ATP8A2: variants seen among roughly 807,000 people sequenced by gnomAD.
ATP8A2 encodes the protein ATPase phospholipid transporting 8A2.
In ATP8A2, 100 loss-of-function variants were observed where a neutral mutation model predicts 165.6. The observed-to-expected ratio is 0.60, with a 90% CI of 0.51 to 0.71. The LOEUF is 0.71. ATP8A2 is among the 30% of genes least tolerant of loss of function. ATP8A2 has a pLI of 0.00. For synonymous variants in ATP8A2, 543 were observed against 548.8 expected, an observed-to-expected ratio of 0.99 and a Z score of 0.15; for missense variants, 1,227 against 1,479.5, an observed-to-expected ratio of 0.83 and a Z score of 2.80.
rs543608232 is a variant in ATP8A2 at position 25,473,587 on chromosome 13, A to T, written c.221+4466A>T. Reference sequence around the variant, plus strand: ...TATACAATTCAGTGATTTTTAATATATTCATTGTGCAACTATCATCACAGT... The same window carrying T: ...TATACAATTCAGTGATTTTTAATATTTTCATTGTGCAACTATCATCACAGT... On this transcript the variant is annotated intron_variant, in intron 2 of 36. Coordinates refer to ENST00000381655, the MANE Select transcript of ATP8A2 (RefSeq NM_016529.6). 1.3e-5 allele frequency among the ~76,000 whole-genome samples: 2 copies of T among 152,178 alleles called. 1 individual carries two copies. Among genetic ancestry groups the T allele is most frequent in the South Asian group, 4.1e-4 (2 of 4,830 alleles).
chr13:25,668,696 T>C (rs566841526), intron 24 of ATP8A2, among the ~76,000 whole-genome samples: 1 of 152,296 alleles, frequency 6.6e-6, no homozygotes, highest in East Asian at 1.9e-4. Context: ...CACAGGTCTC[T>C]AAGGCTCTGC....
intron 18 of ATP8A2, among the ~76,000 whole-genome samples, chr13:25,572,499 T>C (rs1162854045): frequency 6.6e-6 from 1 of 152,170 alleles, no homozygotes; most frequent in Non-Finnish European, 1.5e-5. Context: ...TTACATGTTT[T>C]CTGATTTTTT....
At chr13:25,895,136 G>A (rs1226955078) in intron 33 of ATP8A2, among the ~76,000 whole-genome samples, 1 of 152,164 alleles carries the variant, frequency 6.6e-6, no homozygotes, top group Non-Finnish European at 1.5e-5. Flanking sequence ...AATGCTTCCA[G>A]TTTTTGTCCA....
intron 6 of ATP8A2, among the ~76,000 whole-genome samples, chr13:25,537,611 T>G (rs2038328596): frequency 6.6e-6 from 1 of 152,192 alleles, no homozygotes; most frequent in African/African-American, 2.4e-5. Context: ...GAGCCCAGGC[T>G]TTAGGCTGGC....
chr13:25,421,548 T>C (rs538839678), intron 1 of ATP8A2, among the ~76,000 whole-genome samples: 13 of 152,344 alleles, frequency 8.5e-5, no homozygotes, highest in Admixed American at 6.5e-4. Flanking sequence ...TTGCCCAGGC[T>C]GATCTTGAGC....
chr13:25,465,665 T>TTC (rs1007693073), intron 1 of ATP8A2, among the ~76,000 whole-genome samples: 1 of 4,520 alleles, frequency 2.2e-4, no homozygotes, highest in Non-Finnish European at 5.5e-4. Context: ...TTGCAGAGTT[T>TTC]TCTTTCTTTC....
chr13:25,573,613 A>G (rs1405461712), intron 18 of ATP8A2, among the ~76,000 whole-genome samples: 2 of 152,344 alleles, frequency 1.3e-5, no homozygotes, highest in African/African-American at 2.4e-5. Flanking sequence ...GTCCTCGCCA[A>G]TAGTCAGAAC....
chr13:25,834,999 T>TGC (rs1481488729), intron 28 of ATP8A2, among the ~76,000 whole-genome samples: 2 of 151,582 alleles, frequency 1.3e-5, no homozygotes, highest in Admixed American at 6.6e-5. Flanking sequence ...TGTGTGTGTG[T>TGC]GTGTAGTATG....
chr13:25,913,462 C>T (rs1001774085), intron 33 of ATP8A2, among the ~76,000 whole-genome samples: 18 of 152,082 alleles, frequency 1.2e-4, no homozygotes, highest in African/African-American at 4.3e-4. Context: ...TTTTCTAGTG[C>T]ATGTCTGCCA....
intron 27 of ATP8A2, among the ~76,000 whole-genome samples, chr13:25,790,298 C>A (rs980746700): frequency 1.3e-5 from 2 of 151,988 alleles, no homozygotes; most frequent in Non-Finnish European, 2.9e-5. Context: ...ACCTACAGAA[C>A]AGGAAAAAAT....
intron 1 of ATP8A2, among the ~76,000 whole-genome samples, chr13:25,455,623 A>G (rs1335755868): frequency 6.6e-6 from 1 of 152,204 alleles, no homozygotes; most frequent in Non-Finnish European, 1.5e-5. Flanking sequence ...TAGAAATTCA[A>G]TAAATTCAGG....
intron 24 of ATP8A2, among the ~76,000 whole-genome samples, chr13:25,661,563 G>A (rs948084948): frequency 3.9e-5 from 6 of 152,108 alleles, no homozygotes; most frequent in African/African-American, 1.4e-4. Flanking sequence ...ATTGACTTAA[G>A]TAAAGGGTGA....
At chr13:25,783,837 T>C (rs1378611977) in intron 27 of ATP8A2, among the ~76,000 whole-genome samples, 2 of 152,210 alleles carry the variant, frequency 1.3e-5, no homozygotes, top group East Asian at 1.9e-4. Context: ...TGCGGTTTTA[T>C]ATTTCAGTCG....
intron 24 of ATP8A2, among the ~76,000 whole-genome samples, chr13:25,684,347 A>G (rs1593191793): frequency 1.3e-5 from 2 of 152,342 alleles, no homozygotes; most frequent in East Asian, 3.9e-4. Context: ...AGCCCTGAAT[A>G]GTCATCTCCA....
intron 33 of ATP8A2, among the ~76,000 whole-genome samples, chr13:25,893,652 T>C (rs1953447835): frequency 6.6e-6 from 1 of 152,172 alleles, no homozygotes; most frequent in Admixed American, 6.5e-5. Flanking sequence ...GTTGAACTAG[T>C]TTACAGTCCC....
chr13:25,609,534 G>GGGATTCAAATCTATATATATATATTT (rs2040604081), intron 24 of ATP8A2, among the ~76,000 whole-genome samples: 1 of 42,220 alleles, frequency 2.4e-5, no homozygotes, highest in Non-Finnish European at 7.2e-5. Flanking sequence ...ATATATATTT[G>GGGATTCAAATCTATATATATATATTT]GGATTCAAAT....
intron 33 of ATP8A2, among the ~76,000 whole-genome samples, chr13:25,902,719 C>T (rs1049706959): frequency 6.6e-6 from 1 of 152,154 alleles, no homozygotes; most frequent in Non-Finnish European, 1.5e-5. Flanking sequence ...TCCCAAGACT[C>T]AGGTCTTCAT....
intron 30 of ATP8A2, among the ~76,000 whole-genome samples, chr13:25,851,739 A>T (rs1294559108): frequency 6.6e-6 from 1 of 152,222 alleles, no homozygotes; most frequent in Non-Finnish European, 1.5e-5. Flanking sequence ...TTCATAGGTT[A>T]ACATTCAGTC....
intron 24 of ATP8A2, among the ~76,000 whole-genome samples, chr13:25,647,010 C>T (rs1480400972): frequency 2.0e-5 from 3 of 152,212 alleles, no homozygotes; most frequent in Admixed American, 1.3e-4. Context: ...CAACACTACA[C>T]TTCTCTTTCC....
Sources: allele counts gnomAD v4.1 joint callset (sites outside exome capture counted in the v4.1 genomes callset), GRCh38; gene constraint gnomAD v4.1.1; transcripts MANE v1.5; gene names NCBI Gene and HGNC (gene_info 2026-07-23, HGNC 2026-07-21).